Variants in GULP1 observed in about 807,000 individuals in gnomAD.
The protein encoded by GULP1 is PTB domain-containing engulfment adapter protein 1.
GULP1 carries 19 observed loss-of-function variants against 40.9 expected under a neutral mutation model. The observed-to-expected ratio is 0.46, with a 90% CI of 0.32 to 0.68. The LOEUF is 0.68. Ranked by LOEUF, GULP1 falls within the 30% of genes least tolerant of loss-of-function variation. The pLI is 0.03. For missense variants in GULP1, 312 were observed against 362.2 expected, an observed-to-expected ratio of 0.86 and a Z score of 1.12; for synonymous variants, 119 against 117.6, an observed-to-expected ratio of 1.01 and a Z score of -0.08.
intron 1 of GULP1, among the ~76,000 whole-genome samples, chr2:188,307,566 A>G (rs951835350): frequency 4.1e-5 from 6 of 147,422 alleles, no homozygotes; most frequent in Admixed American, 3.4e-4. Context: ...TTTAGTTCAC[A>G]TGGGTCAATA....
At chr2:188,566,831 A>G (rs112361021) in intron 7 of GULP1, among the ~76,000 whole-genome samples, 3 of 150,912 alleles carry the variant, frequency 2.0e-5, no homozygotes, top group African/African-American at 7.3e-5. Flanking sequence ...GGGGAAGGAT[A>G]CATCGAAATC....
At chr2:188,297,848 G>T (rs1574197457) in intron 1 of GULP1, among the ~76,000 whole-genome samples, 1 of 151,988 alleles carries the variant, frequency 6.6e-6, no homozygotes, top group African/African-American at 2.4e-5. Flanking sequence ...AACATTTGTA[G>T]TATGGTAGCA....
chr2:188,564,908 A>T (rs967318164), intron 7 of GULP1, among the ~76,000 whole-genome samples: 3 of 151,714 alleles, frequency 2.0e-5, no homozygotes, highest in African/African-American at 7.3e-5. Context: ...TACATGGTTA[A>T]TTTTTTTTCC....
rs555296242 is a variant in GULP1, at chr2:188,358,890, G to C, written c.-171-24873G>C. 8.5e-5 allele frequency among the ~76,000 whole-genome samples: 13 copies of C among 152,060 alleles called. No homozygotes were observed. The South Asian group carries it at 2.7e-3, about 32-fold the overall frequency. ...TCTAATGAGTAAATATTAAGTAATT[G>C]ACACATTAAAAAATAAGTAATCAGT... On this transcript the variant is annotated intron_variant, in intron 1 of 11. Transcript: ENST00000409830.
intron 1 of GULP1, among the ~76,000 whole-genome samples, chr2:188,356,250 TTC>T (rs1417960162): frequency 2.6e-5 from 4 of 152,070 alleles, no homozygotes; most frequent in African/African-American, 9.7e-5. Flanking sequence ...ATGAAATTGT[TTC>T]TGTTTGCTGA....
chr2:188,384,773 GC>G (rs1367739629), intron 2 of GULP1, among the ~76,000 whole-genome samples: 4 of 152,194 alleles, frequency 2.6e-5, no homozygotes, highest in African/African-American at 4.8e-5. Context: ...ATGCAAAGGG[GC>G]TACAGGCCCC....
At chr2:188,314,283 GTC>G (rs951127888) in intron 1 of GULP1, among the ~76,000 whole-genome samples, 1 of 152,106 alleles carries the variant, frequency 6.6e-6, no homozygotes, top group Non-Finnish European at 1.5e-5. Flanking sequence ...TAGGGGAATT[GTC>G]TCTGTCCTTA....
chr2:188,442,763 T>G (rs961435148), intron 2 of GULP1, among the ~76,000 whole-genome samples: 1 of 152,216 alleles, frequency 6.6e-6, no homozygotes, highest in African/African-American at 2.4e-5. Flanking sequence ...TCTTATGATA[T>G]GACACAGCTG....
At chr2:188,471,040 C>T (rs1176736525) in intron 2 of GULP1, among the ~76,000 whole-genome samples, 1 of 152,036 alleles carries the variant, frequency 6.6e-6, no homozygotes, top group Non-Finnish European at 1.5e-5. Flanking sequence ...GTATTGGAGT[C>T]TAACTCTATA....
At chr2:188,538,534 G>C (rs1056522543) in intron 6 of GULP1, among the ~76,000 whole-genome samples, 2 of 151,998 alleles carry the variant, frequency 1.3e-5, no homozygotes, top group African/African-American at 4.8e-5. Context: ...CGAATATAGA[G>C]TATATGACTA....
intron 4 of GULP1, among the ~76,000 whole-genome samples, chr2:188,513,577 A>G (rs1336152673): frequency 1.3e-5 from 2 of 152,134 alleles, no homozygotes; most frequent in Non-Finnish European, 2.9e-5. Flanking sequence ...GTGAGGTAAA[A>G]GTTGATGCTT....
At position 188,301,517 on chromosome 2, in the gene GULP1, TC is replaced by T. The variant is rs1559086397; in HGVS notation, c.-172+9354del. On this transcript the variant is annotated intron_variant, in intron 1 of 11. Coordinates refer to ENST00000409830, the MANE Select transcript of GULP1 (RefSeq NM_016315.4). ...TAAAATCTATTCCTTATTCTTCTTT[TC>T]CCTGGTATTATTCAAATGTCCACTC... Among the ~76,000 whole-genome samples the T allele has an allele frequency of 2.0e-5, 3 of 152,062 alleles. No individual in the cohort carries two copies. The East Asian group carries it at 5.8e-4, about 30-fold the overall frequency.
At chr2:188,397,174 A>G (rs2051403414) in intron 2 of GULP1, among the ~76,000 whole-genome samples, 2 of 152,198 alleles carry the variant, frequency 1.3e-5, no homozygotes, top group South Asian at 4.1e-4. Flanking sequence ...GTGATTATCT[A>G]CGTACTCTTT....
intron 1 of GULP1, among the ~76,000 whole-genome samples, chr2:188,327,332 G>A (rs565513655): frequency 6.6e-6 from 1 of 152,164 alleles, no homozygotes; most frequent in Admixed American, 6.6e-5. Flanking sequence ...TCTGGCAATA[G>A]ATGGACAAGG....
chr2:188,579,006 C>CAT (rs1346972834), intron 9 of GULP1, among the ~76,000 whole-genome samples: 2 of 152,156 alleles, frequency 1.3e-5, no homozygotes, highest in Non-Finnish European at 2.9e-5. Flanking sequence ...TCCGCACGTT[C>CAT]ATATCCTTAT....
chr2:188,411,676 T>G (rs2053907858), intron 2 of GULP1, among the ~76,000 whole-genome samples: 5 of 152,226 alleles, frequency 3.3e-5, no homozygotes, highest in South Asian at 2.1e-4. Flanking sequence ...CAAATGTCCT[T>G]GTTTCCAATT....
chr2:188,479,455 T>G (rs2153044282), intron 3 of GULP1, among the ~76,000 whole-genome samples: 1 of 152,238 alleles, frequency 6.6e-6, no homozygotes. Context: ...TTGTTTTGTT[T>G]TATATAGAGA....
intron 2 of GULP1, among the ~76,000 whole-genome samples, chr2:188,476,381 G>A (rs933397142): frequency 6.6e-6 from 1 of 152,104 alleles, no homozygotes; most frequent in African/African-American, 2.4e-5. Flanking sequence ...CTAGGCAATA[G>A]TGGGCAGAGA....
intron 7 of GULP1, among the ~76,000 whole-genome samples, chr2:188,552,536 C>T (rs1265609989): frequency 6.6e-6 from 1 of 151,774 alleles, no homozygotes; most frequent in African/African-American, 2.4e-5. Flanking sequence ...TATACCAATA[C>T]CATACTGCTT....
Sources: allele counts gnomAD v4.1 joint callset (sites outside exome capture counted in the v4.1 genomes callset), GRCh38; gene constraint gnomAD v4.1.1; transcripts MANE v1.5; gene names NCBI Gene and HGNC (gene_info 2026-07-23, HGNC 2026-07-21).